CCDC141: variants seen among roughly 807,000 people sequenced by gnomAD.
CCDC141 encodes the protein coiled-coil domain-containing protein 141.
CCDC141 carries 168 observed loss-of-function variants against 181.0 expected under a neutral mutation model. That is an observed-to-expected ratio of 0.93 (90% CI 0.82 to 1.05). The LOEUF (loss-of-function observed/expected upper bound fraction) is 1.05, where lower values mean the gene tolerates loss of function less well. Ranked by LOEUF, CCDC141 falls within the 50% of genes least tolerant of loss-of-function variation. CCDC141 has a pLI of 0.00. For synonymous variants in CCDC141, 666 were observed against 642.3 expected (o/e 1.04, Z -0.56); for missense variants, 1,902 against 1,788.5 (o/e 1.06, Z -1.14).
At chr2:179,042,798 A>G (rs565231324) in intron 2 of CCDC141, among the ~76,000 whole-genome samples, 1 of 152,306 alleles carries the variant, frequency 6.6e-6, no homozygotes, top group Non-Finnish European at 1.5e-5. Context: ...CTAACATCAC[A>G]ACTAAAAGAA....
chr2:178,882,323 C>A (rs995071305), intron 11 of CCDC141, among the ~76,000 whole-genome samples: 6 of 152,084 alleles, frequency 3.9e-5, no homozygotes, highest in Non-Finnish European at 7.3e-5. Context: ...GAGCCAAAAT[C>A]GCGCCATTGC....
At chr2:178,986,477 C>A (rs1575308793) in intron 2 of CCDC141, among the ~76,000 whole-genome samples, 1 of 152,224 alleles carries the variant, frequency 6.6e-6, no homozygotes, top group Non-Finnish European at 1.5e-5. Context: ...GGCAATTAGG[C>A]AGGAGAAGGA....
At position 178,834,276 on chromosome 2, in the gene CCDC141, T is replaced by C; in HGVS notation, c.4490A>G (p.His1497Arg). Residue 1497 changes from histidine to arginine, a missense_variant, in exon 24 of 24, where the codon CAC becomes CGC. His to Arg is a conservative substitution (Grantham distance 29). Coordinates refer to ENST00000443758, the MANE Select transcript of CCDC141 (RefSeq NM_173648.4). Reference sequence around the variant, plus strand: ...TGGCAGCCTGCAGTTACCTGTCACGTGGAGGATGACATTGGAAGAGAGAGC... The same window carrying C: ...TGGCAGCCTGCAGTTACCTGTCACGCGGAGGATGACATTGGAAGAGAGAGC... ...SGALSSNVIL[H>R]VTGNCRLPIT... 6.5e-7 allele frequency: 1 copy of C among 1,536,062 alleles called. No individual in the cohort carries two copies. Among genetic ancestry groups the C allele is most frequent in the Non-Finnish European group, 8.7e-7 (1 of 1,146,852 alleles).
intron 7 of CCDC141, among the ~76,000 whole-genome samples, chr2:178,912,413 C>G (rs1688256904): frequency 1.3e-5 from 2 of 152,152 alleles, no homozygotes; most frequent in Admixed American, 6.5e-5. Context: ...GAGTTGTGAG[C>G]TCTCATGAGA....
rs532687169 is a variant in CCDC141 at position 178,905,272 on chromosome 2, C to T, written c.1265+57G>A. On this transcript the variant is annotated intron_variant, in intron 8 of 23. Coordinates refer to ENST00000443758, the MANE Select transcript of CCDC141 (RefSeq NM_173648.4). ...ACAATCATGCATCTTATTTTTAGCA[C>T]GTTGTGGAAACTGTGAAAAAGCTTG... The T allele has an allele frequency of 2.5e-5, 36 of 1,419,104 alleles. 1 individual carries two copies. The highest frequency in any genetic ancestry group is 2.4e-4 in the South Asian group (17 of 70,648). 87.9% of individuals were successfully genotyped at this position (1,419,104 alleles called of 1,614,324 possible).
chr2:178,977,008 T>C (rs1483981423), intron 3 of CCDC141, among the ~76,000 whole-genome samples: 5 of 152,188 alleles, frequency 3.3e-5, no homozygotes, highest in African/African-American at 1.2e-4. Flanking sequence ...CTCCACTCTC[T>C]TATATCACTA....
At chr2:178,966,056 C>A (rs887880306) in intron 4 of CCDC141, among the ~76,000 whole-genome samples, 10 of 152,202 alleles carry the variant, frequency 6.6e-5, no homozygotes, top group African/African-American at 2.4e-4. Flanking sequence ...CTGCTGTGGC[C>A]AGACTGCCAT....
chr2:178,841,042 A>G (rs1197815044), intron 22 of CCDC141, among the ~76,000 whole-genome samples: 5 of 152,142 alleles, frequency 3.3e-5, no homozygotes, highest in African/African-American at 1.2e-4. Context: ...TATTAAGGTG[A>G]TTGTATTAGT....
the CCDC141 span, among the ~76,000 whole-genome samples, chr2:178,818,129 C>T: frequency 2.0e-5 from 3 of 152,044 alleles, no homozygotes; most frequent in Non-Finnish European, 4.4e-5. Flanking sequence ...TCAATGTGTT[C>T]GTTTTCAGAA....
Position 178,837,408 on chromosome 2 carries a change from C to A in CCDC141, c.3811G>T (p.Ala1271Ser). The A allele has an allele frequency of 6.2e-7, 1 of 1,614,100 alleles. No individual in the cohort carries two copies. ...TTATCATTGCATGCATCCGCAAAGG[C>A]AACAGGTGGTGGAAGAACAGATTCC... ...AQESVLPPPV[A>S]FADACNDKRE... Residue 1271 changes from alanine (A) to serine (S), a missense_variant, in exon 23 of 24, where the codon GCC becomes TCC. Physicochemically the swap from Ala to Ser is moderately conservative, Grantham distance 99. Transcript: ENST00000443758.
intron 2 of CCDC141, among the ~76,000 whole-genome samples, chr2:179,018,880 C>A (rs150817557): frequency 1.4e-4 from 21 of 152,164 alleles, no homozygotes; most frequent in African/African-American, 5.1e-4. Context: ...AAAAAAAGTA[C>A]AAATCAATGT....
intron 5 of CCDC141, among the ~76,000 whole-genome samples, chr2:178,960,829 T>G (rs1264271894): frequency 6.6e-6 from 1 of 152,212 alleles, no homozygotes; most frequent in East Asian, 1.9e-4. Flanking sequence ...GCTGACAGAC[T>G]TTTTTACTGA....
chr2:178,864,885 T>C (rs560643544), intron 17 of CCDC141, among the ~76,000 whole-genome samples: 22 of 152,366 alleles, frequency 1.4e-4, no homozygotes, highest in African/African-American at 5.3e-4. Context: ...AATGGACTTA[T>C]GGCTTAATGG....
intron 6 of CCDC141, among the ~76,000 whole-genome samples, chr2:178,919,644 C>T (rs1688600740): frequency 6.6e-6 from 1 of 152,242 alleles, no homozygotes; most frequent in Non-Finnish European, 1.5e-5. Context: ...ATCTTTCCCA[C>T]AATTCAGTCT....
intron 8 of CCDC141, among the ~76,000 whole-genome samples, chr2:178,893,500 G>T (rs147146424): frequency 0.011 from 1,745 of 152,088 alleles, 40 homozygotes; most frequent in African/African-American, 0.039. Context: ...TCATTGGGAG[G>T]GATCAGCTGA....
chr2:178,981,443 T>G (rs1048389887), intron 2 of CCDC141, among the ~76,000 whole-genome samples: 7 of 151,392 alleles, frequency 4.6e-5, no homozygotes, highest in African/African-American at 1.7e-4. Flanking sequence ...AACAGAAATA[T>G]AGCCAAAAAT....
chr2:178,857,213 G>C (rs1312381977), intron 17 of CCDC141, among the ~76,000 whole-genome samples: 2 of 151,932 alleles, frequency 1.3e-5, no homozygotes, highest in Non-Finnish European at 1.5e-5. Flanking sequence ...CATTTATTAA[G>C]GCTCCAAAAA....
intron 4 of CCDC141, 128 bp downstream of exon 4, chr2:178,974,929 T>C: frequency 2.1e-6 from 1 of 473,428 alleles, no homozygotes; most frequent in Non-Finnish European, 3.7e-6. Flanking sequence ...AGCTTTAACT[T>C]TTCTTGGAAC....
intron 17 of CCDC141, among the ~76,000 whole-genome samples, chr2:178,865,394 C>G (rs1286295056): frequency 6.6e-6 from 1 of 152,110 alleles, no homozygotes; most frequent in African/African-American, 2.4e-5. Context: ...CAATGTCACC[C>G]CTTCCTCTGG....
Sources: allele counts gnomAD v4.1 joint callset (sites outside exome capture counted in the v4.1 genomes callset), GRCh38; gene constraint gnomAD v4.1.1; transcripts MANE v1.5; gene names NCBI Gene and HGNC (gene_info 2026-07-23, HGNC 2026-07-21).